DPYD: variants seen among roughly 807,000 people sequenced by gnomAD.
DPYD encodes the protein dihydropyrimidine dehydrogenase.
Under a neutral mutation model 116.2 loss-of-function variants are expected in DPYD, and 109 were observed. That is an observed-to-expected ratio of 0.94 (90% CI 0.80 to 1.10). The LOEUF (loss-of-function observed/expected upper bound fraction) is 1.10. Ranked by LOEUF, DPYD falls within the 50% of genes least tolerant of loss-of-function variation. The pLI is 0.00. For missense variants in DPYD, 1,302 were observed against 1,254.5 expected (o/e 1.04, Z -0.57); for synonymous variants, 440 against 432.0 (o/e 1.02, Z -0.23).
intron 8 of DPYD, among the ~76,000 whole-genome samples, chr1:97,610,679 C>T (rs1655888554): frequency 6.6e-6 from 1 of 151,982 alleles, no homozygotes; most frequent in Non-Finnish European, 1.5e-5. Flanking sequence ...ATAGTGATTT[C>T]AGTACATGAT....
At chr1:97,836,912 C>A (rs1318863667) in intron 2 of DPYD, among the ~76,000 whole-genome samples, 1 of 151,844 alleles carries the variant, frequency 6.6e-6, no homozygotes, top group Non-Finnish European at 1.5e-5. Context: ...AGATAGATAT[C>A]AAATAAAAAA....
At chr1:97,537,403 A>C (rs921021435) in intron 12 of DPYD, among the ~76,000 whole-genome samples, 1 of 152,350 alleles carries the variant, frequency 6.6e-6, no homozygotes, top group Non-Finnish European at 1.5e-5. Context: ...ATTTTCAGGT[A>C]TAAACAAGCC....
intron 20 of DPYD, among the ~76,000 whole-genome samples, chr1:97,184,186 T>C (rs1657839292): frequency 6.6e-6 from 1 of 152,180 alleles, no homozygotes; most frequent in Non-Finnish European, 1.5e-5. Flanking sequence ...TTTAGGTTGA[T>C]TTAATGTCTT....
chr1:97,560,608 CT>C (rs1652077203), intron 11 of DPYD, among the ~76,000 whole-genome samples: 1 of 151,450 alleles, frequency 6.6e-6, no homozygotes, highest in African/African-American at 2.4e-5. Flanking sequence ...TTACATCCTG[CT>C]GCAGGCACCG....
chr1:97,662,162 G>A (rs938140052), intron 8 of DPYD, among the ~76,000 whole-genome samples: 14 of 150,582 alleles, frequency 9.3e-5, no homozygotes, highest in Non-Finnish European at 1.6e-4. Flanking sequence ...CACCACATCC[G>A]GCTAATTTTT....
In DPYD at chr1:97,515,800, T is replaced by G. The variant is rs755407188; in HGVS notation, c.1666A>C (p.Ser556Arg). The change falls in exon 13 of 23, where the codon AGC becomes CGC. Residue 556 changes from serine (S) to arginine (R), a missense_variant. Ser to Arg is a moderately radical substitution (Grantham distance 110). Transcript: ENST00000370192. Reference protein sequence around the residue: ...FGLASATPATSTSMIRRAFEA... With the variant: ...FGLASATPATRTSMIRRAFEA... ...AAAGCTCTTCGAATCATTGATGTGC[T>G]GGTGGCTGGAGTTGCGCTAGCAAGA... 5 of 1,613,000 alleles carry G rather than the reference T, an allele frequency of 3.1e-6. No homozygotes were observed. In the East Asian group the frequency reaches 6.7e-5, roughly 22 times the overall value.
chr1:97,123,260 G>A (rs887546143), intron 20 of DPYD, among the ~76,000 whole-genome samples: 1 of 152,020 alleles, frequency 6.6e-6, no homozygotes, highest in African/African-American at 2.4e-5. Context: ...TCAGTACTAA[G>A]ATATACACAC....
intron 13 of DPYD, among the ~76,000 whole-genome samples, chr1:97,475,875 C>T (rs1677932715): frequency 6.6e-6 from 1 of 152,102 alleles, no homozygotes; most frequent in Admixed American, 6.5e-5. Flanking sequence ...ATACCTGATC[C>T]AAGATAAATC....
chr1:97,710,875 C>T (rs1477767376), intron 5 of DPYD, among the ~76,000 whole-genome samples: 1 of 151,646 alleles, frequency 6.6e-6, no homozygotes, highest in Admixed American at 6.6e-5. Context: ...AAGGTAAACC[C>T]ACCTGAAAGA....
In DPYD at chr1:97,699,350, C is replaced by A. The variant is rs867460475; in HGVS notation, c.680+1G>T. 6.2e-7 allele frequency: 1 copy of A among 1,613,004 alleles called. No homozygotes were observed. Among genetic ancestry groups the A allele is most frequent in the Middle Eastern group, 1.6e-4 (1 of 6,062 alleles). On this transcript the variant is annotated splice_donor_variant, in intron 6 of 22. Coordinates refer to ENST00000370192, the MANE Select transcript of DPYD (RefSeq NM_000110.4). LOFTEE classifies it high-confidence loss of function. ...AAACATGAAATAAATGTAGGCATTA[C>A]CTTAAACCACCAACATATTCTTGTT...
chr1:97,695,842 A>G (rs1661268812), intron 6 of DPYD, among the ~76,000 whole-genome samples: 1 of 152,116 alleles, frequency 6.6e-6, no homozygotes, highest in Non-Finnish European at 1.5e-5. Flanking sequence ...AAAGAAAGTG[A>G]GAGGTGGCCG....
intron 13 of DPYD, among the ~76,000 whole-genome samples, chr1:97,466,503 T>TGTCTCG (rs1485517530): frequency 2.6e-5 from 4 of 152,080 alleles, no homozygotes; most frequent in African/African-American, 4.8e-5. Flanking sequence ...CTTAGATGCC[T>TGTCTCG]GTCTCGGTGT....
intron 3 of DPYD, among the ~76,000 whole-genome samples, chr1:97,816,302 T>C (rs1668601885): frequency 6.6e-6 from 1 of 150,934 alleles, no homozygotes; most frequent in African/African-American, 2.4e-5. Context: ...AAAAAGAAAA[T>C]ACAAAAACAA....
At chr1:97,639,916 G>C (rs577470968) in intron 8 of DPYD, among the ~76,000 whole-genome samples, 2 of 152,272 alleles carry the variant, frequency 1.3e-5, no homozygotes, top group African/African-American at 4.8e-5. Flanking sequence ...GTTTCTGAGT[G>C]ACACTGATTA....
chr1:97,119,121 T>C lies in DPYD; in HGVS notation c.2623-20489A>G, dbSNP rs72724388. 6.2e-3 allele frequency among the ~76,000 whole-genome samples: 947 copies of C among 152,156 alleles called. 5 individuals carry two copies. The highest frequency in any genetic ancestry group is 9.6e-3 in the Non-Finnish European group (652 of 67,976). Reference sequence around the variant, plus strand: ...TGATTTATTGTGACTTCCAGTGACATAACAGAGCTCAAACAGAACAATATT... The same window carrying C: ...TGATTTATTGTGACTTCCAGTGACACAACAGAGCTCAAACAGAACAATATT... On this transcript the variant is annotated intron_variant, in intron 20 of 22. Coordinates refer to ENST00000370192, the MANE Select transcript of DPYD (RefSeq NM_000110.4).
At chr1:97,898,533 T>G (rs1673195574) in intron 1 of DPYD, among the ~76,000 whole-genome samples, 1 of 151,976 alleles carries the variant, frequency 6.6e-6, no homozygotes, top group Admixed American at 6.6e-5. Flanking sequence ...CATTGCTTGA[T>G]AGCCAGTATC....
At chr1:97,618,116 C>T (rs184680937) in intron 8 of DPYD, among the ~76,000 whole-genome samples, 69 of 152,172 alleles carry the variant, frequency 4.5e-4, no homozygotes, top group African/African-American at 1.5e-3. Flanking sequence ...AAAATCATTG[C>T]CCTGCCTTGC....
intron 2 of DPYD, among the ~76,000 whole-genome samples, chr1:97,836,916 T>G (rs1407362841): frequency 6.6e-6 from 1 of 152,070 alleles, no homozygotes; most frequent in Non-Finnish European, 1.5e-5. Flanking sequence ...AGATATCAAA[T>G]AAAAAACCTA....
At chr1:97,588,323 T>C (rs530041131) in intron 10 of DPYD, among the ~76,000 whole-genome samples, 18 of 152,158 alleles carry the variant, frequency 1.2e-4, no homozygotes, top group Non-Finnish European at 2.2e-4. Context: ...GAAAATTGAA[T>C]ATGTAAATAA....
Sources: gnomAD v4.1 joint callset for allele counts (sites outside exome capture counted in the v4.1 genomes callset) on GRCh38, gnomAD v4.1.1 for gene constraint, MANE v1.5 for transcripts, NCBI Gene and HGNC (gene_info 2026-07-23, HGNC 2026-07-21) for gene names.